Variants in STAU1 observed in about 807,000 individuals in gnomAD.
STAU1 encodes the protein staufen double-stranded RNA binding protein 1, also known as double-stranded RNA-binding protein Staufen homolog 1.
A neutral mutation model predicts 62.9 loss-of-function variants in STAU1; 13 were observed. The ratio of observed to expected loss-of-function variants is 0.21; its 90% CI spans 0.13 to 0.33. The LOEUF is 0.33. Among genes scored for constraint, STAU1 ranks in the 10% least tolerant of loss-of-function variants. The pLI, the probability that STAU1 is intolerant of heterozygous loss-of-function variation, is 1.00. For synonymous variants in STAU1, 269 were observed against 265.1 expected (o/e 1.01, Z -0.14); for missense variants, 571 against 712.1 (o/e 0.80, Z 2.25).
chr20:49,159,388 T>G (rs971339507), intron 3 of STAU1, among the ~76,000 whole-genome samples: 1 of 152,140 alleles, frequency 6.6e-6, no homozygotes. Context: ...AATATGCGGT[T>G]AGAGATGAAC....
intron 13 of STAU1, among the ~76,000 whole-genome samples, 185 bp from the exon 14 acceptor site, chr20:49,115,078 T>G (rs1223738609): frequency 2.0e-5 from 3 of 151,890 alleles, no homozygotes; most frequent in Non-Finnish European, 4.4e-5. Flanking sequence ...TGTGTACTTA[T>G]CTCTGTGGGG....
At chr20:49,159,160 A>AC (rs1402404589) in intron 3 of STAU1, 13 of 1,083,442 alleles carry the variant, frequency 1.2e-5, no homozygotes, top group South Asian at 5.2e-5. Flanking sequence ...AAAAAAAAAA[A>AC]ACACACAAAG....
chr20:49,122,081 T>C (rs2092477634), intron 8 of STAU1, among the ~76,000 whole-genome samples: 1 of 152,230 alleles, frequency 6.6e-6, no homozygotes, highest in Non-Finnish European at 1.5e-5. Context: ...AGGTAAAATA[T>C]ACGAGGTCAA....
the STAU1 span, among the ~76,000 whole-genome samples, chr20:49,217,624 G>C: frequency 4.7e-5 from 7 of 149,736 alleles, no homozygotes; most frequent in Non-Finnish European, 1.0e-4. Flanking sequence ...AGCAGGATTT[G>C]AATCAAGGCT....
intron 6 of STAU1, among the ~76,000 whole-genome samples, chr20:49,125,099 AAG>A (rs747607882): frequency 4.7e-5 from 7 of 148,818 alleles, no homozygotes; most frequent in Non-Finnish European, 8.9e-5. Context: ...AAACCCACAA[AAG>A]AGTATATGGT....
intron 3 of STAU1, chr20:49,159,210 C>T (rs1344326915): frequency 3.0e-6 from 3 of 1,004,800 alleles, no homozygotes; most frequent in Non-Finnish European, 3.6e-6. Flanking sequence ...TAGGACTTTC[C>T]CCATCCGGTG....
intron 7 of STAU1, among the ~76,000 whole-genome samples, chr20:49,124,123 T>G (rs1038076392): frequency 6.6e-6 from 1 of 152,212 alleles, no homozygotes; most frequent in Non-Finnish European, 1.5e-5. Context: ...CCCACTGTGA[T>G]CGCCAGGGCT....
chr20:49,194,448 GAAAAGA>G, the STAU1 span, among the ~76,000 whole-genome samples: 10 of 80,028 alleles, frequency 1.2e-4, no homozygotes, highest in Admixed American at 5.4e-4. Context: ...AAAAAAAAAA[GAAAAGA>G]AAAAGAAAAA....
intron 5 of STAU1, among the ~76,000 whole-genome samples, chr20:49,148,387 G>C (rs775313463): frequency 6.6e-6 from 1 of 152,148 alleles, no homozygotes; most frequent in African/African-American, 2.4e-5. Flanking sequence ...TTCATGTTTA[G>C]ACTTGGGTCC....
chr20:49,121,840 T>C (rs1210349508), intron 8 of STAU1, among the ~76,000 whole-genome samples: 1 of 152,190 alleles, frequency 6.6e-6, no homozygotes, highest in East Asian at 1.9e-4. Flanking sequence ...ACATCACTAC[T>C]TACAACCCCC....
chr20:49,122,291 C>T (rs2092481867), intron 8 of STAU1, among the ~76,000 whole-genome samples: 1 of 152,138 alleles, frequency 6.6e-6, no homozygotes, highest in African/African-American at 2.4e-5. Flanking sequence ...CCCTAGATTC[C>T]AGACTCCATA....
chr20:49,134,890 G>A, intron 6 of STAU1: 2 of 1,589,136 alleles, frequency 1.3e-6, no homozygotes, highest in East Asian at 2.2e-5. Context: ...AACAGCTAAG[G>A]CAAGAGACTG....
At chr20:49,121,317 A>G (rs889790292) in intron 8 of STAU1, among the ~76,000 whole-genome samples, 3 of 152,144 alleles carry the variant, frequency 2.0e-5, no homozygotes, top group Non-Finnish European at 4.4e-5. Context: ...CTGAGGCAGG[A>G]GAATCACTTG....
At chr20:49,201,062 A>G in the STAU1 span, among the ~76,000 whole-genome samples, 3 of 138,424 alleles carry the variant, frequency 2.2e-5, no homozygotes, top group Admixed American at 2.4e-4. Flanking sequence ...AAAAAAAAAA[A>G]AAAAAAAAAA....
intron 1 of STAU1, among the ~76,000 whole-genome samples, chr20:49,183,557 C>G (rs556423528): frequency 6.6e-6 from 1 of 152,308 alleles, no homozygotes; most frequent in Non-Finnish European, 1.5e-5. Flanking sequence ...CACTCTTACT[C>G]AATCCAGTAA....
At chr20:49,164,128 G>A (rs2093491305) in intron 3 of STAU1, among the ~76,000 whole-genome samples, 1 of 151,968 alleles carries the variant, frequency 6.6e-6, no homozygotes, top group Admixed American at 6.6e-5. Flanking sequence ...TACTCGGGAG[G>A]CTGAGGCAGG....
At chr20:49,135,171 AAAG>A (rs145946228) in intron 6 of STAU1, among the ~76,000 whole-genome samples, 50,215 of 152,030 alleles carry the variant, frequency 0.33, 9,260 homozygotes, top group Middle Eastern at 0.46. Flanking sequence ...GGGTGGGAGA[AAAG>A]AAAGTGGGTT....
Position 49,174,200 on chromosome 20 carries a change from T to A in STAU1, c.-90A>T, listed in dbSNP as rs1158801639. ...TAAAGCCAAATTATATGTACCTTTT[T>A]TAAAAAGAGGGCGTTCCAGGAACAA... On this transcript the variant is annotated 5_prime_UTR_variant, in exon 2 of 14. Coordinates refer to ENST00000371856, the MANE Select transcript of STAU1 (RefSeq NM_017453.4). The A allele has an allele frequency of 6.6e-6, 1 of 152,190 alleles. No individual in the cohort carries two copies. Among genetic ancestry groups the A allele is most frequent in the Admixed American group, 6.5e-5 (1 of 15,284 alleles). The allele number at this position is 152,190 out of a possible 1,614,324, so 9.4% of individuals were successfully genotyped here. A position where few individuals can be genotyped will look rare whatever the true frequency, so the allele number is the denominator to read the frequency against.
chr20:49,139,373 A>C (rs539648329), intron 5 of STAU1, among the ~76,000 whole-genome samples: 1 of 152,328 alleles, frequency 6.6e-6, no homozygotes, highest in South Asian at 2.1e-4. Context: ...CAACTCAACA[A>C]TAAAACAACC....
Sources: allele counts gnomAD v4.1 joint callset (sites outside exome capture counted in the v4.1 genomes callset), GRCh38; gene constraint gnomAD v4.1.1; transcripts MANE v1.5; gene names NCBI Gene and HGNC (gene_info 2026-07-23, HGNC 2026-07-21).